Variants in RELCH observed in about 807,000 individuals in gnomAD.
The protein encoded by RELCH is RAB11-binding protein RELCH.
In RELCH, 41 loss-of-function variants were observed where a neutral mutation model predicts 150.3. The ratio of observed to expected loss-of-function variants is 0.27; its 90% CI spans 0.21 to 0.35. RELCH has a LOEUF of 0.35. Among genes scored for constraint, RELCH ranks in the 10% least tolerant of loss-of-function variants. The pLI, the probability that RELCH is intolerant of heterozygous loss-of-function variation, is 1.00. For missense variants in RELCH, 1,092 were observed against 1,467.8 expected, an observed-to-expected ratio of 0.74 and a Z score of 4.18; for synonymous variants, 478 against 531.8, an observed-to-expected ratio of 0.90 and a Z score of 1.39.
chr18:62,238,630 T>A (rs894109129), intron 10 of RELCH, among the ~76,000 whole-genome samples: 1 of 152,028 alleles, frequency 6.6e-6, no homozygotes, highest in Admixed American at 6.6e-5. Context: ...TAAGTTGGAA[T>A]ATCAAAGGAG....
rs189755119 is a variant in RELCH at position 62,306,847 on chromosome 18, G to A, written c.*1313G>A. ...ATTCTCATATTTGTTGTATAAACTG[G>A]TTTAATACATTTGGAACATAGTTGG... On this transcript the variant is annotated 3_prime_UTR_variant, in exon 29 of 29. Transcript: ENST00000644646. The A allele has an allele frequency of 6.5e-6, 1 of 152,764 alleles. No individual in the cohort carries two copies. The highest frequency in any genetic ancestry group is 2.4e-5 in the African/African-American group (1 of 41,576). The allele number at this position is 152,764 out of a possible 1,614,324, so 9.5% of individuals were successfully genotyped here.
Position 62,277,204 on chromosome 18 carries a change from C to T in RELCH, c.2967+1731C>T, listed in dbSNP as rs147559138. Among the ~76,000 whole-genome samples the T allele has an allele frequency of 1.3e-3, 200 of 152,050 alleles. 1 individual carries two copies. The highest frequency in any genetic ancestry group is 3.6e-3 in the African/African-American group (151 of 41,508). On this transcript the variant is annotated intron_variant, in intron 22 of 28. Transcript: ENST00000644646. ...TTGTTTGGTTTTCTGCCTTATTATA[C>T]GTGGCTTATGTCTGGTTTTGGTTTC...
intron 2 of RELCH, among the ~76,000 whole-genome samples, chr18:62,218,418 A>C (rs2040619913): frequency 6.6e-6 from 1 of 151,956 alleles, no homozygotes; most frequent in Non-Finnish European, 1.5e-5. Flanking sequence ...ATTTCAAGAT[A>C]ATATTAGTGA....
intron 1 of RELCH, among the ~76,000 whole-genome samples, chr18:62,188,570 G>C (rs1224877851): frequency 2.0e-5 from 3 of 152,268 alleles, no homozygotes; most frequent in South Asian, 2.1e-4. Context: ...AATTTGTTCT[G>C]TTGAGATAAA....
At chr18:62,208,081 C>T (rs777251251) in intron 1 of RELCH, among the ~76,000 whole-genome samples, 1 of 152,136 alleles carries the variant, frequency 6.6e-6, no homozygotes, top group African/African-American at 2.4e-5. Flanking sequence ...TTACTACAAC[C>T]ATCTAGTTGA....
At chr18:62,206,231 G>A (rs746083127) in intron 1 of RELCH, among the ~76,000 whole-genome samples, 3 of 152,156 alleles carry the variant, frequency 2.0e-5, no homozygotes, top group Admixed American at 6.5e-5. Context: ...TGTATTTTTA[G>A]TAGAGATGGG....
chr18:62,207,660 T>TTTA (rs1162127357), intron 1 of RELCH, among the ~76,000 whole-genome samples: 1 of 152,234 alleles, frequency 6.6e-6, no homozygotes, highest in Non-Finnish European at 1.5e-5. Context: ...GTCTTGTCTT[T>TTTA]TTATTAAAGT....
At position 62,187,660 on chromosome 18, in the gene RELCH, C is replaced by T; in HGVS notation, c.155C>T (p.Ala52Val). 1 of 1,560,542 alleles carries T rather than the reference C, an allele frequency of 6.4e-7. No homozygotes were observed. Among genetic ancestry groups the T allele is most frequent in the Non-Finnish European group, 8.7e-7 (1 of 1,150,322 alleles). ...GGAAGTGGCCTAGATCCTGGCTCTG[C>T]GGGCTCGCTGTCGCCACAGGATCCC... ...GAGSGLDPGSAGSLSPQDPVA... is the reference protein window; with the variant it reads ...GAGSGLDPGSVGSLSPQDPVA... The change falls in exon 1 of 29, where the codon GCG becomes GTG. Residue 52 changes from alanine to valine, a missense_variant. Around this residue, in one of 4 missense-constraint regions of RELCH, gnomAD observed 138 missense variants for 124.8 expected, o/e 1.11. Coordinates refer to ENST00000644646, the MANE Select transcript of RELCH (RefSeq NM_001346231.2).
chr18:62,219,517 T>G (rs978223540), intron 2 of RELCH, among the ~76,000 whole-genome samples: 2 of 145,340 alleles, frequency 1.4e-5, no homozygotes, highest in South Asian at 2.2e-4. Context: ...AAAAAAAAAG[T>G]AAACCAACAT....
chr18:62,263,149 A>G (rs995645104), intron 16 of RELCH, among the ~76,000 whole-genome samples: 3 of 152,062 alleles, frequency 2.0e-5, no homozygotes, highest in African/African-American at 7.2e-5. Flanking sequence ...CCTATTTCCA[A>G]ATAAGATCCC....
At position 62,199,713 on chromosome 18, in the gene RELCH, C is replaced by T. The variant is rs144928631; in HGVS notation, c.527-11440C>T. Among the ~76,000 whole-genome samples the T allele has an allele frequency of 1.9e-3, 294 of 152,244 alleles. 3 individuals are homozygous for T. The highest frequency in any genetic ancestry group is 3.9e-3 in the African/African-American group (162 of 41,548). On this transcript the variant is annotated intron_variant, in intron 1 of 28. Coordinates refer to ENST00000644646, the MANE Select transcript of RELCH (RefSeq NM_001346231.2). ...AAACCCAACTTACCTGGAATCTAGG[C>T]GATCAGAACCTGGATGCTCTTACAT...
intron 18 of RELCH, among the ~76,000 whole-genome samples, chr18:62,265,200 G>A (rs2043490224): frequency 6.6e-6 from 1 of 152,032 alleles, no homozygotes; most frequent in South Asian, 2.1e-4. Context: ...CACAGGTTCA[G>A]GAAGCAGCTG....
intron 1 of RELCH, among the ~76,000 whole-genome samples, chr18:62,207,571 T>G (rs72947245): frequency 0.011 from 1,639 of 152,352 alleles, 16 homozygotes; most frequent in Non-Finnish European, 0.018. Flanking sequence ...ACTGCTAAAC[T>G]GTATTCCAAA....
intron 2 of RELCH, among the ~76,000 whole-genome samples, chr18:62,213,073 T>C (rs2040265671): frequency 6.6e-6 from 1 of 152,194 alleles, no homozygotes; most frequent in Admixed American, 6.5e-5. Flanking sequence ...GCAAATCACA[T>C]TGGTAATATC....
At chr18:62,230,061 T>C (rs750763288) in intron 8 of RELCH, among the ~76,000 whole-genome samples, 67 of 151,966 alleles carry the variant, frequency 4.4e-4, no homozygotes, top group Middle Eastern at 6.8e-3. Context: ...AAGTAAGAAA[T>C]GATGGAGGCC....
intron 1 of RELCH, 81 bp downstream of exon 1, chr18:62,188,112 G>A (rs2038281146): frequency 1.4e-6 from 2 of 1,408,258 alleles, no homozygotes; most frequent in African/African-American, 1.4e-5. Flanking sequence ...GGGTATTTCT[G>A]CGTGGGTCCC....
rs547642163 is a variant in RELCH at position 62,243,646 on chromosome 18, C to T, written c.1621-1118C>T. On this transcript the variant is annotated intron_variant, in intron 10 of 28. Coordinates refer to ENST00000644646, the MANE Select transcript of RELCH (RefSeq NM_001346231.2). ...TCATACATTTAAGCTTCAGTTTCAA[C>T]TCTTCGAAAAATCATCTCTTAGGAA... 2.0e-5 allele frequency among the ~76,000 whole-genome samples: 3 copies of T among 152,208 alleles called. No individual in the cohort carries two copies. In the South Asian group the frequency reaches 6.2e-4, roughly 32 times the overall value.
intron 1 of RELCH, among the ~76,000 whole-genome samples, chr18:62,189,449 C>T (rs1319852198): frequency 6.6e-6 from 1 of 151,748 alleles, no homozygotes; most frequent in African/African-American, 2.4e-5. Flanking sequence ...GCCTTTAGCC[C>T]GTTTGTATGT....
At chr18:62,218,804 A>G (rs1355698490) in intron 2 of RELCH, among the ~76,000 whole-genome samples, 3 of 151,920 alleles carry the variant, frequency 2.0e-5, no homozygotes, top group African/African-American at 7.2e-5. Context: ...CATATCCTCA[A>G]ATATTTTTAG....
Sources: gnomAD v4.1 joint callset for allele counts (sites outside exome capture counted in the v4.1 genomes callset) on GRCh38, gnomAD v4.1.1 for gene constraint, gnomAD v4.1.1 regional missense constraint, MANE v1.5 for transcripts, NCBI Gene and HGNC (gene_info 2026-07-23, HGNC 2026-07-21) for gene names.